C10orf67: variants seen among roughly 807,000 people sequenced by gnomAD.
C10orf67 encodes the protein uncharacterized protein C10orf67, mitochondrial.
A neutral mutation model predicts 35.6 loss-of-function variants in C10orf67; 60 were observed. The observed-to-expected ratio is 1.68, with a 90% CI of 1.37 to 2.09. The LOEUF (loss-of-function observed/expected upper bound fraction) is 2.09, where lower values mean the gene tolerates loss of function less well. Among genes scored for constraint, C10orf67 ranks in the 30% most tolerant of loss-of-function variants. The pLI, the probability that C10orf67 is intolerant of heterozygous loss-of-function variation, is 0.00. For synonymous variants in C10orf67, 167 were observed against 115.8 expected (o/e 1.44, Z -2.84); for missense variants, 474 against 330.2 (o/e 1.44, Z -3.38).
chr10:23,341,751 C>G (rs1195896705), intron 1 of C10orf67, among the ~76,000 whole-genome samples: 2 of 152,172 alleles, frequency 1.3e-5, no homozygotes, highest in Non-Finnish European at 2.9e-5. Flanking sequence ...CATCTTTCTA[C>G]CCAGTGTTCT....
rs979659716 is a variant in C10orf67 at position 23,315,192 on chromosome 10, T to C, written c.546+5549A>G. Among the ~76,000 whole-genome samples, 8 of 152,218 alleles carry C rather than the reference T, an allele frequency of 5.3e-5. 1 individual carries two copies. Among genetic ancestry groups the C allele is most frequent in the Non-Finnish European group, 8.8e-5 (6 of 68,042 alleles). The stretch of plus-strand genomic sequence containing the variant: ...ATTTAATTTAATATAAACAATTTTT[T>C]CTTAAGTCAACTAACCACAATTAAG... On this transcript the variant is annotated intron_variant, in intron 4 of 15. Transcript: ENST00000636213.
intron 10 of C10orf67, among the ~76,000 whole-genome samples, chr10:23,259,322 G>T (rs938536022): frequency 1.3e-5 from 2 of 152,112 alleles, no homozygotes; most frequent in Admixed American, 1.3e-4. Flanking sequence ...CAGAGAAGTG[G>T]TTCTTATTTA....
chr10:23,323,952 T>TATATATATACAC (rs1564513730), intron 2 of C10orf67, among the ~76,000 whole-genome samples: 1 of 64,680 alleles, frequency 1.5e-5, no homozygotes, highest in African/African-American at 5.4e-5. Flanking sequence ...TATATATATA[T>TATATATATACAC]ACACACACAC....
chr10:23,256,174 G>A (rs1013856498), intron 10 of C10orf67, among the ~76,000 whole-genome samples: 6 of 151,874 alleles, frequency 4.0e-5, no homozygotes, highest in African/African-American at 7.3e-5. Flanking sequence ...GCTAATTTTC[G>A]TATTTTTTTT....
At chr10:23,268,694 C>T (rs954461643) in intron 8 of C10orf67, among the ~76,000 whole-genome samples, 1 of 152,208 alleles carries the variant, frequency 6.6e-6, no homozygotes, top group African/African-American at 2.4e-5. Flanking sequence ...AATGGGGATA[C>T]ATTCTGAGAA....
At chr10:23,243,802 A>C (rs1309249783) in intron 12 of C10orf67, among the ~76,000 whole-genome samples, 1 of 152,180 alleles carries the variant, frequency 6.6e-6, no homozygotes, top group Non-Finnish European at 1.5e-5. Context: ...AACAGATTAA[A>C]ATTATTCAGA....
intron 12 of C10orf67, among the ~76,000 whole-genome samples, chr10:23,241,676 T>C (rs1842182280): frequency 1.3e-5 from 2 of 152,174 alleles, no homozygotes. Context: ...ACAAGGGTTT[T>C]TTTTAAAGAA....
chr10:23,222,380 T>C (rs968971280), intron 15 of C10orf67, among the ~76,000 whole-genome samples: 4 of 152,142 alleles, frequency 2.6e-5, no homozygotes, highest in African/African-American at 9.7e-5. Flanking sequence ...TAAATAAAAT[T>C]GCAGGCCATA....
intron 15 of C10orf67, among the ~76,000 whole-genome samples, chr10:23,205,103 G>A (rs1257622918): frequency 2.0e-5 from 3 of 152,216 alleles, no homozygotes; most frequent in Non-Finnish European, 4.4e-5. Flanking sequence ...TGACAACCTC[G>A]GCTTTCAATG....
chr10:23,223,682 A>G, intron 14 of C10orf67, 24 bp from the exon 15 acceptor site: 1 of 717,330 alleles, frequency 1.4e-6, no homozygotes, highest in Non-Finnish European at 2.6e-6. Flanking sequence ...AAAACTTTTC[A>G]TTACTTAAGT....
intron 10 of C10orf67, among the ~76,000 whole-genome samples, chr10:23,260,156 A>G (rs1213209370): frequency 6.6e-6 from 1 of 152,184 alleles, no homozygotes. Flanking sequence ...AATAAAAGAC[A>G]TTACAAACAG....
chr10:23,276,191 G>T (rs543592954), intron 8 of C10orf67, among the ~76,000 whole-genome samples: 2 of 152,226 alleles, frequency 1.3e-5, no homozygotes, highest in South Asian at 4.1e-4. Context: ...TGTAGGTGTG[G>T]ATAATCCACT....
intron 15 of C10orf67, among the ~76,000 whole-genome samples, chr10:23,217,389 GC>G (rs1360504729): frequency 6.6e-6 from 1 of 152,160 alleles, no homozygotes; most frequent in African/African-American, 2.4e-5. Context: ...CACTTGGTAA[GC>G]CCATGGATTT....
intron 15 of C10orf67, 121 bp downstream of exon 15, chr10:23,223,476 GA>G: frequency 1.5e-6 from 1 of 662,636 alleles, no homozygotes; most frequent in Non-Finnish European, 2.7e-6. Flanking sequence ...TAAAGTGGCT[GA>G]AAAAAGTCAT....
chr10:23,237,374 T>C (rs1236013091), intron 13 of C10orf67, among the ~76,000 whole-genome samples: 1 of 152,140 alleles, frequency 6.6e-6, no homozygotes, highest in East Asian at 1.9e-4. Context: ...TGGTTTCTTA[T>C]GCAGTTAAAC....
Position 23,329,812 on chromosome 10 carries a change from A to AAAAAG in C10orf67, c.327+3245_327+3249dup, listed in dbSNP as rs1554817508. Among the ~76,000 whole-genome samples the AAAAAG allele has an allele frequency of 2.1e-4, 31 of 148,604 alleles. 1 individual carries two copies. Among genetic ancestry groups the AAAAAG allele is most frequent in the African/African-American group, 7.3e-4 (29 of 39,826 alleles). ...GAACTTGTCTCAAAAAAAAAAAAAAAAAAAGAAAAGAAAAGAAAAAAATTA... is the reference window on the plus strand; with the variant it reads ...GAACTTGTCTCAAAAAAAAAAAAAAAAAAAGAAAAGAAAAGAAAAGAAAAAAATTA... On this transcript the variant is annotated intron_variant, in intron 2 of 15. Transcript: ENST00000636213.
intron 12 of C10orf67, among the ~76,000 whole-genome samples, chr10:23,243,440 T>C (rs750833785): frequency 7.9e-5 from 12 of 152,070 alleles, no homozygotes; most frequent in Non-Finnish European, 1.3e-4. Flanking sequence ...TCCCAGCACG[T>C]TGGGAGGCTG....
chr10:23,266,736 G>A (rs369025639), intron 9 of C10orf67, among the ~76,000 whole-genome samples: 1 of 152,100 alleles, frequency 6.6e-6, no homozygotes, highest in Admixed American at 6.5e-5. Context: ...GGCAGCTCGA[G>A]GCTTGTATCT....
chr10:23,204,191 G>A lies in C10orf67; in HGVS notation c.1635C>T (p.Pro545=), dbSNP rs1841094835. The change falls in exon 16 of 16, where the codon CCC becomes CCT. Residue 545 remains proline (P), a synonymous_variant. Transcript: ENST00000636213. ...TGCTGGGTTAATCAACAGTCTCTGC[G>A]GGGCTGCTCTGGCGCATGGAGGGCT... ...LEEPSMRQSS[P]AETVD 4 of 641,500 alleles carry A rather than the reference G, an allele frequency of 6.2e-6. No homozygotes were observed. Among genetic ancestry groups the A allele is most frequent in the African/African-American group, 1.9e-5 (1 of 54,022 alleles). The allele number at this position is 641,500 out of a possible 1,614,324, so 39.7% of individuals were successfully genotyped here. A position where few individuals can be genotyped will look rare whatever the true frequency, so the allele number is the denominator to read the frequency against.
Sources: gnomAD v4.1 joint callset for allele counts (sites outside exome capture counted in the v4.1 genomes callset) on GRCh38, gnomAD v4.1.1 for gene constraint, MANE v1.5 for transcripts, NCBI Gene and HGNC (gene_info 2026-07-23, HGNC 2026-07-21) for gene names.